The following PCDH15 variants were observed in gnomAD, a reference collection of about 807,000 sequenced individuals.
PCDH15 encodes the protein protocadherin related 15, also known as protocadherin-15.
In PCDH15, 129 loss-of-function variants were observed where a neutral mutation model predicts 178.5. That is an observed-to-expected ratio of 0.72 (90% confidence interval 0.63 to 0.84). The LOEUF is 0.84. Among genes scored for constraint, PCDH15 ranks in the 40% least tolerant of loss-of-function variants. The pLI, the probability that PCDH15 is intolerant of heterozygous loss-of-function variation, is 0.00. For missense variants in PCDH15, 2,230 were observed against 2,099.9 expected (o/e 1.06, Z -1.21); for synonymous variants, 800 against 732.0 (o/e 1.09, Z -1.50).
At chr10:53,935,230 C>A (rs937781715) in intron 25 of PCDH15, among the ~76,000 whole-genome samples, 1 of 151,874 alleles carries the variant, frequency 6.6e-6, no homozygotes, top group African/African-American at 2.4e-5. Flanking sequence ...AATGTTAAAG[C>A]CCTAAGATAA....
In PCDH15 at chr10:54,171,573, G is replaced by T. The variant is rs920686682; in HGVS notation, c.1590+11871C>A. Among the ~76,000 whole-genome samples, 3 of 151,076 alleles carry T rather than the reference G, an allele frequency of 2.0e-5. No individual in the cohort carries two copies. In the South Asian group the frequency reaches 6.3e-4, roughly 32 times the overall value. On this transcript the variant is annotated intron_variant, in intron 13 of 37. Coordinates refer to ENST00000644397, the MANE Select transcript of PCDH15 (RefSeq NM_001384140.1). The stretch of plus-strand genomic sequence containing the variant: ...ATGCCCTGCTCTTGTTTACACTGCC[G>T]GTTTACACTGTTTTTCCAAGCCATC...
chr10:54,646,525 A>T (rs2094133015), intron 2 of PCDH15, among the ~76,000 whole-genome samples: 1 of 152,088 alleles, frequency 6.6e-6, no homozygotes, highest in African/African-American at 2.4e-5. Flanking sequence ...CTAAAGTTCC[A>T]GGGGGCGGGG....
chr10:55,147,133 G>A (rs1444670), intron 2 of PCDH15, among the ~76,000 whole-genome samples: 43,507 of 151,048 alleles, frequency 0.29, 6,577 homozygotes, highest in Non-Finnish European at 0.32. Context: ...AATGAAAGAA[G>A]ATATATTTAA....
At chr10:54,993,588 A>T (rs1232940474) in intron 2 of PCDH15, among the ~76,000 whole-genome samples, 1 of 152,046 alleles carries the variant, frequency 6.6e-6, no homozygotes, top group Admixed American at 6.5e-5. Flanking sequence ...TCAAATTCAC[A>T]CTGAATTTGA....
At chr10:54,827,698 T>C (rs1189827497) in intron 3 of PCDH15, among the ~76,000 whole-genome samples, 2 of 152,060 alleles carry the variant, frequency 1.3e-5, no homozygotes, top group Non-Finnish European at 2.9e-5. Flanking sequence ...ACTGAAACTT[T>C]AAAAATTATT....
chr10:54,150,509 C>T (rs1170625584), intron 14 of PCDH15, among the ~76,000 whole-genome samples: 2 of 151,856 alleles, frequency 1.3e-5, no homozygotes, highest in Admixed American at 1.3e-4. Flanking sequence ...ATTTTGCATA[C>T]ATTTAAGCAA....
chr10:55,599,047 T>C (rs1033350988), intron 2 of PCDH15, among the ~76,000 whole-genome samples: 2 of 152,138 alleles, frequency 1.3e-5, no homozygotes, highest in East Asian at 1.9e-4. Context: ...TCTGGTGCAA[T>C]AGATATAGTA....
chr10:54,259,880 G>A (rs1480936695), intron 8 of PCDH15, among the ~76,000 whole-genome samples: 1 of 152,140 alleles, frequency 6.6e-6, no homozygotes, highest in African/African-American at 2.4e-5. Flanking sequence ...GAAAATACTA[G>A]TGAAGATTAT....
chr10:54,190,250 G>A (rs187344345), intron 11 of PCDH15, among the ~76,000 whole-genome samples: 8 of 152,264 alleles, frequency 5.3e-5, no homozygotes, highest in Non-Finnish European at 1.2e-4. Context: ...CAACTCTTGA[G>A]AGCCAAGCCC....
intron 18 of PCDH15, among the ~76,000 whole-genome samples, chr10:54,051,599 G>T (rs1437688162): frequency 6.6e-6 from 1 of 152,178 alleles, no homozygotes; most frequent in Admixed American, 6.5e-5. Flanking sequence ...GTGCCAAAGG[G>T]TTCAAGAGAA....
chr10:54,348,723 A>T (rs1943709694), intron 5 of PCDH15, among the ~76,000 whole-genome samples: 1 of 152,168 alleles, frequency 6.6e-6, no homozygotes, highest in Non-Finnish European at 1.5e-5. Context: ...ATCTATTTTC[A>T]AAAATAGATA....
intron 14 of PCDH15, among the ~76,000 whole-genome samples, chr10:54,152,231 C>A (rs1328208525): frequency 6.6e-6 from 1 of 152,100 alleles, no homozygotes; most frequent in Non-Finnish European, 1.5e-5. Flanking sequence ...TAACTGTAAT[C>A]TGGGCTTAAC....
rs186044002 is a variant in PCDH15, at chr10:55,293,151, T to C, written c.-156+26448A>G. Among the ~76,000 whole-genome samples the C allele has an allele frequency of 2.3e-3, 356 of 152,286 alleles. 1 individual carries two copies. Among genetic ancestry groups the C allele is most frequent in the Non-Finnish European group, 4.0e-3 (274 of 68,020 alleles). On this transcript the variant is annotated intron_variant, in intron 1 of 5. Transcript: ENST00000458638. ...TTGCACCCACTGGCTCCATACCACA[T>C]GGGAGCTGCCAAGGCTTGGGTTTTG...
intron 2 of PCDH15, among the ~76,000 whole-genome samples, chr10:54,977,862 T>A (rs1839114760): frequency 6.6e-6 from 1 of 152,278 alleles, no homozygotes; most frequent in East Asian, 1.9e-4. Context: ...ATTTGACAAA[T>A]TCTTACAGAA....
chr10:54,378,826 G>C lies in PCDH15; in HGVS notation c.274C>G (p.Gln92Glu), dbSNP rs143842048. 2 of 1,613,710 alleles carry C rather than the reference G, an allele frequency of 1.2e-6. No homozygotes were observed. Among genetic ancestry groups the C allele is most frequent in the African/African-American group, 1.3e-5 (1 of 74,868 alleles). The change falls in exon 4 of 38, where the codon CAA becomes GAA. Residue 92 changes from glutamine (Q) to glutamate (E), a missense_variant. Transcript: ENST00000644397. ...DYWVLMDPVKQMLFLNSTGRV... is the reference protein window; with the variant it reads ...DYWVLMDPVKEMLFLNSTGRV... ...CCGGTGCTGTTCAGGAAAAGCATTT[G>C]CTTAACAGGATCCATCAACACCCAG...
At chr10:54,361,167 C>T (rs1945981071) in intron 5 of PCDH15, among the ~76,000 whole-genome samples, 2 of 151,918 alleles carry the variant, frequency 1.3e-5, no homozygotes, top group Non-Finnish European at 2.9e-5. Context: ...CCTAATTGAC[C>T]CTGTAAAACC....
Position 55,193,330 on chromosome 10 carries a change from A to G in PCDH15, c.-155-26679T>C, listed in dbSNP as rs1179475935. Among the ~76,000 whole-genome samples the G allele has an allele frequency of 2.0e-5, 3 of 152,166 alleles. No homozygotes were observed. In the East Asian group the frequency reaches 5.8e-4, roughly 29 times the overall value. On this transcript the variant is annotated intron_variant, in intron 1 of 5. Coordinates refer to the PCDH15 transcript ENST00000458638. ...ATGTTCATTTACCTTGATTATATTTAGATTTCAAGCCAGCTGTTGTATCAT... is the reference window on the plus strand; with the variant it reads ...ATGTTCATTTACCTTGATTATATTTGGATTTCAAGCCAGCTGTTGTATCAT...
At chr10:54,063,640 A>G (rs1282684381) in intron 18 of PCDH15, among the ~76,000 whole-genome samples, 1 of 152,090 alleles carries the variant, frequency 6.6e-6, no homozygotes, top group Non-Finnish European at 1.5e-5. Context: ...CTGTGTTTGT[A>G]TCACCCACTC....
chr10:54,705,517 T>G (rs1172653203), intron 1 of PCDH15, among the ~76,000 whole-genome samples: 1 of 152,142 alleles, frequency 6.6e-6, no homozygotes, highest in Non-Finnish European at 1.5e-5. Context: ...TATAAAATAT[T>G]TTAAGCGTAA....
Sources: allele counts gnomAD v4.1 joint callset (sites outside exome capture counted in the v4.1 genomes callset), GRCh38; gene constraint gnomAD v4.1.1; transcripts MANE v1.5; gene names NCBI Gene and HGNC (gene_info 2026-07-23, HGNC 2026-07-21).